Variants in NAA60 observed in about 807,000 individuals in gnomAD.
The protein encoded by NAA60 is N-alpha-acetyltransferase 60.
A neutral mutation model predicts 26.1 loss-of-function variants in NAA60; 8 were observed. The ratio of observed to expected loss-of-function variants is 0.31; its 90% CI spans 0.18 to 0.55. The LOEUF (loss-of-function observed/expected upper bound fraction) is 0.55. NAA60 is among the 20% of genes least tolerant of loss of function. NAA60 has a pLI of 0.93. For synonymous variants in NAA60, 131 were observed against 122.5 expected (o/e 1.07, Z -0.46); for missense variants, 290 against 311.3 (o/e 0.93, Z 0.51).
Position 3,476,292 on chromosome 16 carries a change from A to G in NAA60, c.65A>G (p.Asp22Gly). ...EVSLRLLCHD[D>G]IDTVKHLCGD... ...AGCCTGCGCCTCCTCTGCCACGATG[A>G]CATAGACACTGTGAAGCACCTGTGT... is the stretch of plus-strand genomic sequence containing the variant. The change falls in exon 3 of 8, where the codon GAC (aspartate) becomes GGC (glycine). Residue 22 changes from aspartate to glycine, a missense_variant. Physicochemically the swap from Asp to Gly is moderately conservative, Grantham distance 94 (BLOSUM62 -1). Coordinates refer to ENST00000407558, the MANE Select transcript of NAA60 (RefSeq NM_001083601.3). The G allele has an allele frequency of 1.2e-6, 2 of 1,613,910 alleles. No individual in the cohort carries two copies. Among genetic ancestry groups the G allele is most frequent in the Non-Finnish European group, 1.7e-6 (2 of 1,179,834 alleles).
chr16:3,460,015 G>A (rs1282298274), intron 2 of NAA60, among the ~76,000 whole-genome samples: 2 of 152,208 alleles, frequency 1.3e-5, no homozygotes, highest in African/African-American at 2.4e-5. Context: ...TGCTAACTGG[G>A]TGCTCGTAAC....
intron 2 of NAA60, among the ~76,000 whole-genome samples, chr16:3,449,189 A>G (rs1365282548): frequency 1.3e-5 from 2 of 152,052 alleles, no homozygotes; most frequent in African/African-American, 2.4e-5. Flanking sequence ...CCTGCCCAAC[A>G]TGTTGAAACC....
At chr16:3,474,844 A>G (rs2036377602) in intron 2 of NAA60, among the ~76,000 whole-genome samples, 1 of 152,248 alleles carries the variant, frequency 6.6e-6, no homozygotes, top group Non-Finnish European at 1.5e-5. Context: ...ATTAGCTGGC[A>G]TTCTTCTGTA....
At chr16:3,447,619 A>C (rs1052812844) in intron 1 of NAA60, 25 of 985,322 alleles carry the variant, frequency 2.5e-5, no homozygotes, top group Non-Finnish European at 3.0e-5. Flanking sequence ...AAGGGGGCCT[A>C]GGTAAGCAAG....
intron 2 of NAA60, chr16:3,449,932 C>A (rs1386628358): frequency 1.0e-5 from 4 of 396,098 alleles, no homozygotes; most frequent in Non-Finnish European, 1.8e-5. Context: ...TCCCCAGCCA[C>A]GTGGAACTGT....
In NAA60 at chr16:3,476,332, C is replaced by A. The variant is rs915957551; in HGVS notation, c.105C>A (p.Pro35=). 1.2e-6 allele frequency: 2 copies of A among 1,613,542 alleles called. No individual in the cohort carries two copies. Among genetic ancestry groups the A allele is most frequent in the Non-Finnish European group, 1.7e-6 (2 of 1,179,604 alleles). ...TVKHLCGDWF[P]IEYPDSWYRD... is the part of the protein sequence containing the mutation. ...AGCACCTGTGTGGCGACTGGTTCCC[C>A]ATCGAGTAAGTGGAGCGGATTGCAG... Residue 35 remains proline, a synonymous_variant, in exon 3 of 8, where the codon CCC becomes CCA. Transcript: ENST00000407558.
chr16:3,476,260 C>T lies in NAA60; in HGVS notation c.33C>T (p.Ser11=), dbSNP rs754926864. The change falls in exon 3 of 8, where the codon AGC becomes AGT. Residue 11 remains serine (S), a synonymous_variant. Coordinates refer to ENST00000407558, the MANE Select transcript of NAA60 (RefSeq NM_001083601.3). The stretch of plus-strand genomic sequence containing the variant: ...AGGTGGTGCCATCCAGCGCGCTCAG[C>T]GAGGTCAGCCTGCGCCTCCTCTGCC... MTEVVPSSAL[S]EVSLRLLCHD... 1.3e-5 allele frequency: 21 copies of T among 1,613,702 alleles called. No individual in the cohort carries two copies. The South Asian group carries it at 1.4e-4, about 11-fold the overall frequency.
intron 2 of NAA60, among the ~76,000 whole-genome samples, chr16:3,454,990 G>A (rs1412950316): frequency 1.3e-5 from 2 of 152,214 alleles, no homozygotes; most frequent in Non-Finnish European, 2.9e-5. Flanking sequence ...TGCATAACAT[G>A]TTTAACACAA....
intron 2 of NAA60, among the ~76,000 whole-genome samples, chr16:3,465,573 A>G (rs917162719): frequency 5.9e-5 from 9 of 152,088 alleles, no homozygotes; most frequent in South Asian, 2.1e-4. Context: ...TAGTACAGCA[A>G]CCTCAGACAG....
chr16:3,485,059 C>A lies in NAA60; in HGVS notation c.*204C>A. Reference sequence around the variant, plus strand: ...ATGCGCAGAGCATGCCCATCCGTGGCAGGTACGCCACAGCAGACACAAAGG... The same window carrying A: ...ATGCGCAGAGCATGCCCATCCGTGGAAGGTACGCCACAGCAGACACAAAGG... On this transcript the variant is annotated splice_region_variant and 3_prime_UTR_variant, in exon 7 of 8. Transcript: ENST00000407558. The A allele has an allele frequency of 1.4e-6, 2 of 1,465,482 alleles. No individual in the cohort carries two copies. The highest frequency in any genetic ancestry group is 1.2e-5 in the South Asian group (1 of 81,914). The allele number at this position is 1,465,482 out of a possible 1,614,324, so 90.8% of individuals were successfully genotyped here.
At chr16:3,477,655 G>A (rs57719446) in intron 3 of NAA60, among the ~76,000 whole-genome samples, 11,096 of 147,674 alleles carry the variant, frequency 0.075, 552 homozygotes, top group East Asian at 0.17. Context: ...ACAAAAATTG[G>A]GCCGGGCGCA....
chr16:3,473,822 C>T (rs992570015), intron 2 of NAA60, among the ~76,000 whole-genome samples: 4 of 152,088 alleles, frequency 2.6e-5, no homozygotes, highest in Non-Finnish European at 5.9e-5. Flanking sequence ...GCAACCTCTG[C>T]TTCTTGGGTT....
chr16:3,458,290 G>C (rs1036756575), intron 2 of NAA60: 1 of 705,838 alleles, frequency 1.4e-6, no homozygotes, highest in Non-Finnish European at 1.7e-6. Flanking sequence ...CGCCCACCGG[G>C]TACGAGCGCG....
intron 2 of NAA60, among the ~76,000 whole-genome samples, chr16:3,461,882 G>A (rs775716147): frequency 6.6e-6 from 1 of 152,118 alleles, no homozygotes; most frequent in Non-Finnish European, 1.5e-5. Flanking sequence ...GAGCTCACAA[G>A]TTCGAGAGCG....
At chr16:3,467,947 G>A (rs2150983204) in intron 2 of NAA60, 2 of 152,368 alleles carry the variant, frequency 1.3e-5, no homozygotes, top group Middle Eastern at 6.7e-3. Flanking sequence ...CATAGGGTGG[G>A]AGCAGGCCCT....
At position 3,486,584 on chromosome 16, in the gene NAA60, A is replaced by G. The variant is rs1015843206; in HGVS notation, c.*1324A>G. ...AAGGCAGGCACCAGGCAGGAGCAGC[A>G]TCCCCCTCCTTGACGGTGCTGGCAG... On this transcript the variant is annotated 3_prime_UTR_variant, in exon 8 of 8. Transcript: ENST00000407558. The G allele has an allele frequency of 1.3e-5, 2 of 152,432 alleles. No homozygotes were observed. The highest frequency in any genetic ancestry group is 2.9e-5 in the Non-Finnish European group (2 of 68,232). The allele number at this position is 152,432 out of a possible 1,614,324, so 9.4% of individuals were successfully genotyped here.
chr16:3,484,879 G>C lies in NAA60; in HGVS notation c.*24G>C. The C allele has an allele frequency of 6.4e-7, 1 of 1,552,306 alleles. No individual in the cohort carries two copies. The highest frequency in any genetic ancestry group is 1.2e-5 in the South Asian group (1 of 84,232). On this transcript the variant is annotated 3_prime_UTR_variant, in exon 7 of 8. Transcript: ENST00000407558. ...GATGTCGGCTGGGCAGCCGCCACCAGGCCCCACCCTTCGGCCGCCCGCAGA... is the reference window on the plus strand; with the variant it reads ...GATGTCGGCTGGGCAGCCGCCACCACGCCCCACCCTTCGGCCGCCCGCAGA...
intron 6 of NAA60, 46 bp from the exon 7 acceptor site, chr16:3,484,653 C>A (rs776066687): frequency 1.3e-6 from 2 of 1,553,826 alleles, no homozygotes; most frequent in Non-Finnish European, 1.7e-6. Flanking sequence ...TGTGCCCTGG[C>A]GAGCGTGGTC....
In NAA60 at chr16:3,486,347, T is replaced by G. The variant is rs1269920146; in HGVS notation, c.*1087T>G. 1 of 154,194 alleles carries G rather than the reference T, an allele frequency of 6.5e-6. No individual in the cohort carries two copies. The highest frequency in any genetic ancestry group is 1.9e-4 in the East Asian group (1 of 5,196). 9.6% of individuals were successfully genotyped at this position (154,194 alleles called of 1,614,324 possible). A position where few individuals can be genotyped will look rare whatever the true frequency, so the allele number is the denominator to read the frequency against. On this transcript the variant is annotated 3_prime_UTR_variant, in exon 8 of 8. Coordinates refer to ENST00000407558, the MANE Select transcript of NAA60 (RefSeq NM_001083601.3). ...GGGGCGGAGTCCCGCCCAGCATAGCTGCAGTGTCACAAAGCCATGGCAGAG... is the reference window on the plus strand; with the variant it reads ...GGGGCGGAGTCCCGCCCAGCATAGCGGCAGTGTCACAAAGCCATGGCAGAG...
Sources: allele counts gnomAD v4.1 joint callset (sites outside exome capture counted in the v4.1 genomes callset), GRCh38; gene constraint gnomAD v4.1.1; transcripts MANE v1.5; gene names NCBI Gene and HGNC (gene_info 2026-07-23, HGNC 2026-07-21).